The following SMG7 variants were observed in gnomAD, a reference collection of about 807,000 sequenced individuals.
SMG7 encodes the protein SMG7 nonsense mediated mRNA decay factor, also known as nonsense-mediated mRNA decay factor SMG7.
A neutral mutation model predicts 148.2 loss-of-function variants in SMG7; 34 were observed. That is an observed-to-expected ratio of 0.23 (90% CI 0.17 to 0.31). SMG7 has a LOEUF of 0.31. Ranked by LOEUF, SMG7 falls within the 10% of genes least tolerant of loss-of-function variation. The pLI is 1.00. For missense variants in SMG7, 1,114 were observed against 1,408.4 expected (o/e 0.79, Z 3.35); for synonymous variants, 492 against 515.1 (o/e 0.96, Z 0.61).
rs562826359 is a variant in SMG7 at position 183,477,754 on chromosome 1, ATG to A, written c.29+5110_29+5111del. Among the ~76,000 whole-genome samples, 665 of 151,690 alleles carry A rather than the reference ATG, an allele frequency of 4.4e-3. 14 individuals are homozygous for A. Among genetic ancestry groups the A allele is most frequent in the African/African-American group, 0.015 (623 of 41,126 alleles). ...TATGCATATATACATGTGTGTGCAT[ATG>A]TGTGCATATATACATGTGTGTATGT... On this transcript the variant is annotated intron_variant, in intron 1 of 22. Coordinates refer to ENST00000688051, the MANE Select transcript of SMG7 (RefSeq NM_001375584.1).
At chr1:183,494,777 T>C (rs1488175739) in intron 1 of SMG7, among the ~76,000 whole-genome samples, 2 of 132,466 alleles carry the variant, frequency 1.5e-5, no homozygotes, top group Non-Finnish European at 3.2e-5. Flanking sequence ...TTTTTTTTTT[T>C]TTTTTTTGAG....
At chr1:183,516,968 A>G (rs1663692514) in intron 3 of SMG7, among the ~76,000 whole-genome samples, 1 of 152,214 alleles carries the variant, frequency 6.6e-6, no homozygotes, top group African/African-American at 2.4e-5. Context: ...TCAGGCCAGT[A>G]ATATCTTCCC....
rs1417416602 is a variant in SMG7 at position 183,542,183 on chromosome 1, A to T, written c.1523A>T (p.Glu508Val). The change falls in exon 14 of 23, where the codon GAA becomes GTA. Residue 508 changes from glutamate (E) to valine (V), a missense_variant. Glu to Val is a moderately radical substitution (Grantham distance 121). Coordinates refer to ENST00000688051, the MANE Select transcript of SMG7 (RefSeq NM_001375584.1). ...SEAKENLILQ[E>V]TSVIESLAAD... ...GCCAAAGAGAACCTCATTCTGCAAG[A>T]AACATCTGTGATAGAGTCGCTGGCT... is the stretch of plus-strand genomic sequence containing the variant. The T allele has an allele frequency of 1.9e-6, 3 of 1,614,152 alleles. No homozygotes were observed. The Admixed American group carries it at 5.0e-5, about 27-fold the overall frequency.
At chr1:183,479,041 C>G (rs925617539) in intron 1 of SMG7, among the ~76,000 whole-genome samples, 1 of 152,128 alleles carries the variant, frequency 6.6e-6, no homozygotes, top group Admixed American at 6.5e-5. Flanking sequence ...AGGTATGTCA[C>G]ATGGTAAGTG....
At chr1:183,546,824 A>C (rs571783449) in intron 17 of SMG7, among the ~76,000 whole-genome samples, 7 of 152,304 alleles carry the variant, frequency 4.6e-5, no homozygotes, top group Non-Finnish European at 8.8e-5. Flanking sequence ...AGATATGCTA[A>C]TCATTTTGCT....
chr1:183,525,930 A>G (rs991234569), intron 4 of SMG7, among the ~76,000 whole-genome samples: 1 of 152,116 alleles, frequency 6.6e-6, no homozygotes, highest in African/African-American at 2.4e-5. Flanking sequence ...TGTAACCAAT[A>G]TTTAATAATT....
At chr1:183,479,337 G>T (rs965255245) in intron 1 of SMG7, among the ~76,000 whole-genome samples, 3 of 152,116 alleles carry the variant, frequency 2.0e-5, no homozygotes, top group Admixed American at 6.5e-5. Flanking sequence ...AAGACGTTCA[G>T]CAGCATCCCT....
chr1:183,508,440 C>T (rs1661429721), intron 1 of SMG7, among the ~76,000 whole-genome samples: 1 of 152,160 alleles, frequency 6.6e-6, no homozygotes, highest in Non-Finnish European at 1.5e-5. Context: ...GATCCTCCTG[C>T]CTCAGCCTCC....
At chr1:183,540,840 C>T in intron 12 of SMG7, 144 bp from the exon 13 acceptor site, 1 of 541,090 alleles carries the variant, frequency 1.8e-6, no homozygotes, top group Non-Finnish European at 3.2e-6. Context: ...AGTATAAATT[C>T]TAATAAATGC....
At chr1:183,474,464 T>C (rs558574764) in intron 1 of SMG7, among the ~76,000 whole-genome samples, 1 of 152,272 alleles carries the variant, frequency 6.6e-6, no homozygotes, top group South Asian at 2.1e-4. Flanking sequence ...CTCGGGAGGC[T>C]GAGGCAGGAG....
chr1:183,525,692 A>G (rs894619991), intron 4 of SMG7, among the ~76,000 whole-genome samples: 2 of 152,130 alleles, frequency 1.3e-5, no homozygotes, highest in Non-Finnish European at 2.9e-5. Flanking sequence ...GAATGTAGCA[A>G]TAGGCACACA....
At chr1:183,491,215 G>A (rs1311329236) in intron 1 of SMG7, among the ~76,000 whole-genome samples, 1 of 152,120 alleles carries the variant, frequency 6.6e-6, no homozygotes, top group Non-Finnish European at 1.5e-5. Context: ...GCATTATTTT[G>A]TGCCTGTATT....
chr1:183,533,588 A>G, intron 9 of SMG7, 88 bp from the exon 10 acceptor site: 2 of 1,127,934 alleles, frequency 1.8e-6, no homozygotes, highest in Non-Finnish European at 2.5e-6. Context: ...AGTGTTAAAC[A>G]GAATATAGTA....
chr1:183,538,584 T>G (rs1230200143), intron 12 of SMG7, 144 bp downstream of exon 12: 1 of 670,296 alleles, frequency 1.5e-6, no homozygotes, highest in East Asian at 2.6e-5. Flanking sequence ...TGAAAGTTGT[T>G]GTGAATTGGA....
At chr1:183,510,721 T>C (rs915622576) in intron 1 of SMG7, among the ~76,000 whole-genome samples, 3 of 152,064 alleles carry the variant, frequency 2.0e-5, no homozygotes, top group African/African-American at 4.8e-5. Context: ...GTTTTTGCTA[T>C]GTTAAAAAAT....
At chr1:183,486,686 G>A (rs1416019163) in intron 1 of SMG7, among the ~76,000 whole-genome samples, 1 of 152,168 alleles carries the variant, frequency 6.6e-6, no homozygotes, top group Non-Finnish European at 1.5e-5. Context: ...TGTGATTACA[G>A]GCGTGAGCCA....
At chr1:183,521,645 T>C (rs1205720151) in intron 4 of SMG7, among the ~76,000 whole-genome samples, 1 of 152,014 alleles carries the variant, frequency 6.6e-6, no homozygotes, top group Non-Finnish European at 1.5e-5. Flanking sequence ...TTTGGGAAGC[T>C]GAGATGGGAG....
At chr1:183,524,341 G>T (rs2102552188) in intron 4 of SMG7, among the ~76,000 whole-genome samples, 1 of 152,162 alleles carries the variant, frequency 6.6e-6, no homozygotes, top group South Asian at 2.1e-4. Flanking sequence ...GGCTGGTCTT[G>T]AACTCCTGAC....
Position 183,552,770 on chromosome 1 carries a change from T to C in SMG7, c.*839T>C. 5.0e-6 allele frequency: 7 copies of C among 1,396,860 alleles called. No homozygotes were observed. The highest frequency in any genetic ancestry group is 6.5e-6 in the Non-Finnish European group (7 of 1,077,990). The allele number at this position is 1,396,860 out of a possible 1,614,324, so 86.5% of individuals were successfully genotyped here. A position where few individuals can be genotyped will look rare whatever the true frequency, so the allele number is the denominator to read the frequency against. The stretch of plus-strand genomic sequence containing the variant: ...CATTTTACAGTCGCACAGCAAGCAG[T>C]CTCACAGAAGGCAGGCTAGTCCATT... On this transcript the variant is annotated 3_prime_UTR_variant, in exon 23 of 23. Transcript: ENST00000688051.
Sources: gnomAD v4.1 joint callset for allele counts (sites outside exome capture counted in the v4.1 genomes callset) on GRCh38, gnomAD v4.1.1 for gene constraint, MANE v1.5 for transcripts, NCBI Gene and HGNC (gene_info 2026-07-23, HGNC 2026-07-21) for gene names.